JARID2: variants seen among roughly 807,000 people sequenced by gnomAD.
JARID2 encodes the protein protein Jumonji.
In JARID2, 21 loss-of-function variants were observed where a neutral mutation model predicts 125.6. The observed-to-expected ratio is 0.17, with a 90% confidence interval of 0.12 to 0.24. JARID2 has a LOEUF of 0.24. Among genes scored for constraint, JARID2 ranks in the 10% least tolerant of loss-of-function variants. JARID2 has a pLI of 1.00. For synonymous variants in JARID2, 736 were observed against 661.6 expected (o/e 1.11, Z -1.73); for missense variants, 1,303 against 1,639.6 (o/e 0.79, Z 3.55).
Position 15,520,802 on chromosome 6 carries a change from T to C in JARID2, c.*551T>C, listed in dbSNP as rs1442987976. On this transcript the variant is annotated 3_prime_UTR_variant, in exon 18 of 18. Coordinates refer to ENST00000341776, the MANE Select transcript of JARID2 (RefSeq NM_004973.4). ...CCGGGGCACCCCCGTTTTGTTTCTC[T>C]GGGCGGTTGTGGCAGCTGAAGGCGG... The C allele has an allele frequency of 6.6e-6, 3 of 455,860 alleles. No homozygotes were observed. Among genetic ancestry groups the C allele is most frequent in the Non-Finnish European group, 1.3e-5 (3 of 226,776 alleles). 28.2% of individuals were successfully genotyped at this position (455,860 alleles called of 1,614,324 possible).
At chr6:15,388,518 T>C (rs1259861920) in intron 2 of JARID2, among the ~76,000 whole-genome samples, 1 of 151,456 alleles carries the variant, frequency 6.6e-6, no homozygotes, top group Non-Finnish European at 1.5e-5. Flanking sequence ...ATAAAAACAG[T>C]ACAAGTCTAT....
At chr6:15,505,799 C>T (rs996316350) in intron 9 of JARID2, among the ~76,000 whole-genome samples, 1 of 152,282 alleles carries the variant, frequency 6.6e-6, no homozygotes, top group Admixed American at 6.5e-5. Flanking sequence ...GCCACGATGT[C>T]AGCTGAACCG....
chr6:15,368,838 G>A (rs1376210277), intron 1 of JARID2: 1 of 414,656 alleles, frequency 2.4e-6, no homozygotes, highest in Non-Finnish European at 4.9e-6. Context: ...GATGTATATA[G>A]GCACAGGATG....
chr6:15,386,494 T>G (rs1203952515), intron 2 of JARID2, among the ~76,000 whole-genome samples: 2 of 150,890 alleles, frequency 1.3e-5, no homozygotes, highest in Non-Finnish European at 3.0e-5. Flanking sequence ...ACATGTTTGT[T>G]TGTTTGTTTG....
At chr6:15,459,650 T>A (rs1768352732) in intron 4 of JARID2, among the ~76,000 whole-genome samples, 1 of 152,220 alleles carries the variant, frequency 6.6e-6, no homozygotes, top group Non-Finnish European at 1.5e-5. Flanking sequence ...ACCAGCTGAA[T>A]CGGCCACAGG....
chr6:15,399,125 T>C (rs540235267), intron 2 of JARID2, among the ~76,000 whole-genome samples: 68 of 152,228 alleles, frequency 4.5e-4, no homozygotes, highest in Non-Finnish European at 3.2e-4. Flanking sequence ...TTGTTCACTG[T>C]TAACAGGAAC....
intron 1 of JARID2, among the ~76,000 whole-genome samples, chr6:15,254,289 G>C (rs982375135): frequency 6.6e-6 from 1 of 152,146 alleles, no homozygotes; most frequent in Admixed American, 6.6e-5. Flanking sequence ...CCCAGTGTGG[G>C]CTGCAGTTCT....
rs574590343 is a variant in JARID2, at chr6:15,283,852, CCTG to C, written c.45+37270_45+37272del. On this transcript the variant is annotated intron_variant, in intron 1 of 17. Coordinates refer to ENST00000341776, the MANE Select transcript of JARID2 (RefSeq NM_004973.4). The stretch of plus-strand genomic sequence containing the variant: ...TCCTGAGTAGCTGGGACTACAGGCG[CCTG>C]CCACCATGCCCGGCTAATTTTTTTT... 9.7e-4 allele frequency among the ~76,000 whole-genome samples: 147 copies of C among 151,286 alleles called. 2 individuals are homozygous for C. Among genetic ancestry groups the C allele is most frequent in the Middle Eastern group, 3.4e-3 (1 of 290 alleles).
rs1029212700 is a variant in JARID2, at chr6:15,257,744, G to A, written c.45+11160G>A. ...CACAGGTAGTACACGTTAGGCCAGC[G>A]GGTTGGTTGGTTTGTTGGCTTTTAA... is the stretch of plus-strand genomic sequence containing the variant. On this transcript the variant is annotated intron_variant, in intron 1 of 17. Transcript: ENST00000341776. 7.9e-5 allele frequency among the ~76,000 whole-genome samples: 12 copies of A among 152,160 alleles called. No homozygotes were observed. The East Asian group carries it at 1.3e-3, about 17-fold the overall frequency.
At chr6:15,488,611 C>T (rs901592839) in intron 6 of JARID2, among the ~76,000 whole-genome samples, 1 of 151,918 alleles carries the variant, frequency 6.6e-6, no homozygotes, top group African/African-American at 2.4e-5. Context: ...TTTCGTCTTG[C>T]GGTAGAGGTG....
At chr6:15,334,994 C>G (rs766108611) in intron 1 of JARID2, among the ~76,000 whole-genome samples, 14 of 152,162 alleles carry the variant, frequency 9.2e-5, no homozygotes, top group Non-Finnish European at 1.6e-4. Flanking sequence ...CTTACTTTCT[C>G]TCTTGATTTT....
At chr6:15,277,250 GC>G (rs1311245534) in intron 1 of JARID2, among the ~76,000 whole-genome samples, 1 of 152,142 alleles carries the variant, frequency 6.6e-6, no homozygotes, top group African/African-American at 2.4e-5. Flanking sequence ...ATATGCAGGG[GC>G]TGGAGTTACA....
At chr6:15,514,196 G>T (rs570761391) in intron 16 of JARID2, among the ~76,000 whole-genome samples, 1 of 152,110 alleles carries the variant, frequency 6.6e-6, no homozygotes, top group African/African-American at 2.4e-5. Flanking sequence ...GCTTCTTCCA[G>T]TCTCCCCTTG....
chr6:15,392,385 A>T (rs1408649548), intron 2 of JARID2, among the ~76,000 whole-genome samples: 1 of 151,960 alleles, frequency 6.6e-6, no homozygotes, highest in Non-Finnish European at 1.5e-5. Context: ...ATTTAAGGTG[A>T]TTTGTCAGCC....
chr6:15,366,518 CGGGGGGGGTGGGGG>C (rs1763983288), intron 1 of JARID2, among the ~76,000 whole-genome samples: 1 of 14,408 alleles, frequency 6.9e-5, no homozygotes. Flanking sequence ...GCGGGGGGGG[CGGGGGGGGTGGGGG>C]GTGGGGTTGG....
chr6:15,519,309 G>A (rs1771717391), intron 17 of JARID2, among the ~76,000 whole-genome samples: 1 of 152,162 alleles, frequency 6.6e-6, no homozygotes, highest in Non-Finnish European at 1.5e-5. Context: ...AGATACGTGT[G>A]GACCGCCCCG....
At position 15,282,682 on chromosome 6, in the gene JARID2, G is replaced by A. The variant is rs117362390; in HGVS notation, c.45+36098G>A. Among the ~76,000 whole-genome samples, 547 of 152,014 alleles carry A rather than the reference G, an allele frequency of 3.6e-3. 14 individuals are homozygous for A. In the East Asian group the frequency reaches 0.069, roughly 19 times the overall value. On this transcript the variant is annotated intron_variant, in intron 1 of 17. Coordinates refer to ENST00000341776, the MANE Select transcript of JARID2 (RefSeq NM_004973.4). ...TGCAATGGCGAGATCTCAGCTCACC[G>A]CAACCTCCACCTCCTGGGTTCCTAT...
intron 3 of JARID2, among the ~76,000 whole-genome samples, chr6:15,424,423 G>A (rs1766634150): frequency 6.6e-6 from 1 of 152,056 alleles, no homozygotes; most frequent in African/African-American, 2.4e-5. Context: ...CCTTTGATTA[G>A]AAATTAGGAG....
At chr6:15,482,241 A>G (rs1189725106) in intron 5 of JARID2, among the ~76,000 whole-genome samples, 1 of 152,230 alleles carries the variant, frequency 6.6e-6, no homozygotes, top group Non-Finnish European at 1.5e-5. Flanking sequence ...ATCATCATGT[A>G]AGGAGTAATG....
Sources: gnomAD v4.1 joint callset for allele counts (sites outside exome capture counted in the v4.1 genomes callset) on GRCh38, gnomAD v4.1.1 for gene constraint, MANE v1.5 for transcripts, NCBI Gene and HGNC (gene_info 2026-07-23, HGNC 2026-07-21) for gene names.